Variants in DIAPH2 observed in about 807,000 individuals in gnomAD.
DIAPH2 encodes the protein diaphanous related formin 2.
In DIAPH2, 35 loss-of-function variants were observed where a neutral mutation model predicts 92.7. That is an observed-to-expected ratio of 0.38 (90% CI 0.29 to 0.50). The LOEUF (loss-of-function observed/expected upper bound fraction) is 0.50, where lower values mean the gene tolerates loss of function less well. DIAPH2 is among the 20% of genes least tolerant of loss of function. The pLI is 0.94. For missense variants in DIAPH2, 701 were observed against 819.5 expected, an observed-to-expected ratio of 0.86 and a Z score of 1.77; for synonymous variants, 301 against 280.4, an observed-to-expected ratio of 1.07 and a Z score of -0.73.
intron 4 of DIAPH2, among the ~76,000 whole-genome samples, chrX:96,867,041 A>C (rs780233757): frequency 8.9e-6 from 1 of 112,124 alleles, no homozygotes; most frequent in African/African-American, 3.2e-5. Flanking sequence ...AATCTGTAAA[A>C]GTAATGCCAT....
chrX:96,967,395 T>TTC (rs1556311836), intron 17 of DIAPH2, among the ~76,000 whole-genome samples: 156 of 105,799 alleles, frequency 1.5e-3, no homozygotes, highest in Non-Finnish European at 2.3e-3. Context: ...TTTATTTATT[T>TTC]ATTCATTCAT....
intron 17 of DIAPH2, among the ~76,000 whole-genome samples, chrX:96,968,672 T>C (rs1223698270): frequency 8.9e-6 from 1 of 112,352 alleles, no homozygotes; most frequent in African/African-American, 3.2e-5. Context: ...TTTTCTTCCA[T>C]TGTGCAGGTT....
intron 25 of DIAPH2, among the ~76,000 whole-genome samples, chrX:97,422,980 T>C (rs2070024534): frequency 9.0e-6 from 1 of 111,498 alleles, no homozygotes; most frequent in Non-Finnish European, 1.9e-5. Context: ...CAGCAAGCAA[T>C]ATGAGCTTCA....
intron 22 of DIAPH2, among the ~76,000 whole-genome samples, chrX:97,221,082 C>T (rs1010905759): frequency 1.8e-5 from 2 of 108,395 alleles, no homozygotes; most frequent in African/African-American, 6.7e-5. Flanking sequence ...GTCATATGAG[C>T]ATTTGCCTGT....
intron 1 of DIAPH2, among the ~76,000 whole-genome samples, chrX:96,688,326 T>G (rs1442072012): frequency 1.8e-5 from 2 of 112,650 alleles, no homozygotes; most frequent in Admixed American, 9.4e-5. Context: ...ACTGGATAAA[T>G]TATGTTTTTA....
At chrX:97,197,547 T>A (rs764647151) in intron 22 of DIAPH2, among the ~76,000 whole-genome samples, 1 of 112,125 alleles carries the variant, frequency 8.9e-6, no homozygotes, top group African/African-American at 3.2e-5. Flanking sequence ...CATCTAACAA[T>A]CGATCACATA....
intron 24 of DIAPH2, among the ~76,000 whole-genome samples, chrX:97,372,917 C>T (rs1362147553): frequency 3.6e-5 from 4 of 110,035 alleles, no homozygotes; most frequent in Non-Finnish European, 7.6e-5. Context: ...GCAGAGGTTG[C>T]AGTTAGCTGA....
chrX:97,549,733 A>G (rs558074902), intron 26 of DIAPH2, among the ~76,000 whole-genome samples: 14 of 111,659 alleles, frequency 1.3e-4, no homozygotes, highest in Admixed American at 1.2e-3. Flanking sequence ...TTTAGTTATC[A>G]TGGCTCTTCA....
intron 22 of DIAPH2, among the ~76,000 whole-genome samples, chrX:97,150,863 A>T (rs1886894): frequency 1.8e-5 from 2 of 110,367 alleles, no homozygotes; most frequent in Non-Finnish European, 3.8e-5. Context: ...TGTCGGCATA[A>T]TAAATTCAGC....
chrX:97,570,665 A>G (rs1485817778), intron 26 of DIAPH2, among the ~76,000 whole-genome samples: 1 of 110,950 alleles, frequency 9.0e-6, no homozygotes, highest in Non-Finnish European at 1.9e-5. Context: ...GGAGGAGTAG[A>G]GTTGTTTCTC....
At chrX:96,926,695 A>G (rs1216288557) in intron 9 of DIAPH2, among the ~76,000 whole-genome samples, 1 of 111,914 alleles carries the variant, frequency 8.9e-6, no homozygotes, top group Non-Finnish European at 1.9e-5. Context: ...CAGAACTGGT[A>G]GTTTTTAACT....
intron 1 of DIAPH2, among the ~76,000 whole-genome samples, chrX:96,687,121 A>G (rs1468646768): frequency 1.8e-5 from 2 of 112,024 alleles, no homozygotes; most frequent in Non-Finnish European, 3.8e-5. Flanking sequence ...TCCATTACCT[A>G]TAGAAGAGTA....
intron 4 of DIAPH2, among the ~76,000 whole-genome samples, chrX:96,760,792 T>G (rs1006474599): frequency 3.7e-4 from 41 of 111,112 alleles, no homozygotes; most frequent in African/African-American, 1.2e-3. Context: ...ATTGCTTAGT[T>G]TTTTCTTCTC....
chrX:97,519,550 C>T (rs1319504343), intron 26 of DIAPH2, among the ~76,000 whole-genome samples: 2 of 111,127 alleles, frequency 1.8e-5, no homozygotes, highest in African/African-American at 6.5e-5. Context: ...ATGCATAGCC[C>T]TCAGTATACC....
At chrX:97,452,848 CTT>C (rs1323496912) in intron 26 of DIAPH2, among the ~76,000 whole-genome samples, 1 of 112,172 alleles carries the variant, frequency 8.9e-6, no homozygotes, top group African/African-American at 3.2e-5. Context: ...GAATAAATAA[CTT>C]TTCCAAATAA....
chrX:97,489,363 A>G (rs766434907), intron 26 of DIAPH2, among the ~76,000 whole-genome samples: 1 of 110,550 alleles, frequency 9.0e-6, no homozygotes, highest in African/African-American at 3.3e-5. Context: ...ATGTAAGATC[A>G]CGTGTCGGCA....
chrX:97,175,715 T>C (rs901676148), intron 22 of DIAPH2, among the ~76,000 whole-genome samples: 2 of 112,334 alleles, frequency 1.8e-5, no homozygotes, highest in African/African-American at 6.5e-5. Flanking sequence ...TACTGATGAT[T>C]TGCAGTAAAA....
chrX:97,333,667 C>T (rs1217952874), intron 23 of DIAPH2, among the ~76,000 whole-genome samples: 1 of 109,738 alleles, frequency 9.1e-6, no homozygotes, highest in Non-Finnish European at 1.9e-5. Flanking sequence ...CAGGTTCAAG[C>T]GATTCTCCTG....
At chrX:97,104,403 T>G (rs781732327) in intron 20 of DIAPH2, among the ~76,000 whole-genome samples, 1 of 109,807 alleles carries the variant, frequency 9.1e-6, no homozygotes, top group African/African-American at 3.3e-5. Context: ...CTCTTAAAGC[T>G]CTTAAAGAAA....
Sources: allele counts gnomAD v4.1 joint callset (sites outside exome capture counted in the v4.1 genomes callset), GRCh38; gene constraint gnomAD v4.1.1; transcripts MANE v1.5; gene names NCBI Gene and HGNC (gene_info 2026-07-23, HGNC 2026-07-21).